CORO2B: variants seen among roughly 807,000 people sequenced by gnomAD.
CORO2B encodes coronin-2B.
CORO2B carries 26 observed loss-of-function variants against 58.8 expected under a neutral mutation model. That is an observed-to-expected ratio of 0.44 (90% CI 0.32 to 0.61). The LOEUF is 0.61. CORO2B is among the 20% of genes least tolerant of loss of function. The pLI is 0.04. For missense variants in CORO2B, 460 were observed against 645.1 expected (o/e 0.71, Z 3.11); for synonymous variants, 242 against 253.8 (o/e 0.95, Z 0.44).
chr15:68,656,198 G>A (rs1230193761), intron 2 of CORO2B, among the ~76,000 whole-genome samples: 3 of 42,316 alleles, frequency 7.1e-5, no homozygotes, highest in East Asian at 9.6e-4. Flanking sequence ...CAACCAACCC[G>A]CTCCCATCCC....
At position 68,727,290 on chromosome 15, in the gene CORO2B, T is replaced by A. The variant is rs1037969814; in HGVS notation, c.*1316T>A. 1.3e-5 allele frequency: 2 copies of A among 152,654 alleles called. No homozygotes were observed. The highest frequency in any genetic ancestry group is 1.3e-4 in the Admixed American group (2 of 15,280). 9.5% of individuals were successfully genotyped at this position (152,654 alleles called of 1,614,324 possible). ...CTGCAGATGAGGAAACCGAGAGAAG[T>A]GGCCCAAGGTCACGCAACTCTGAGA... On this transcript the variant is annotated 3_prime_UTR_variant, in exon 12 of 12. Transcript: ENST00000261861.
At chr15:68,593,635 AG>A (rs1899756753) in intron 1 of CORO2B, among the ~76,000 whole-genome samples, 1 of 151,636 alleles carries the variant, frequency 6.6e-6, no homozygotes, top group Admixed American at 6.6e-5. Context: ...CTCAGAGAGG[AG>A]GGGAAGAAGA....
intron 1 of CORO2B, among the ~76,000 whole-genome samples, chr15:68,626,365 C>A (rs1442985772): frequency 1.3e-5 from 2 of 151,522 alleles, no homozygotes; most frequent in Non-Finnish European, 2.9e-5. Context: ...AAGATCCTGA[C>A]TTTTAAAAAA....
At chr15:68,560,359 A>G in the CORO2B span, among the ~76,000 whole-genome samples, 1 of 149,932 alleles carries the variant, frequency 6.7e-6, no homozygotes, top group Admixed American at 6.7e-5. Context: ...CAGTGGTGCA[A>G]TCATGGCTCA....
chr15:68,590,705 A>C (rs1428064687), intron 1 of CORO2B, among the ~76,000 whole-genome samples: 4 of 152,156 alleles, frequency 2.6e-5, no homozygotes, highest in African/African-American at 9.7e-5. Flanking sequence ...ATAATGCCCT[A>C]AGTGGTTGTC....
chr15:68,597,640 AT>A (rs1464733225), intron 1 of CORO2B, among the ~76,000 whole-genome samples: 88 of 150,528 alleles, frequency 5.8e-4, no homozygotes, highest in African/African-American at 1.4e-3. Flanking sequence ...AAAAAAAAAA[AT>A]AAATAAATAA....
At chr15:68,570,260 G>C in the CORO2B span, among the ~76,000 whole-genome samples, 1 of 152,152 alleles carries the variant, frequency 6.6e-6, no homozygotes, top group African/African-American at 2.4e-5. Flanking sequence ...TAACTTCATG[G>C]GATCCTCGGA....
At chr15:68,543,410 T>C in the CORO2B span, among the ~76,000 whole-genome samples, 1 of 152,186 alleles carries the variant, frequency 6.6e-6, no homozygotes, top group Non-Finnish European at 1.5e-5. Context: ...ATTCTCAGCC[T>C]GGGCCAGGTC....
At chr15:68,554,913 A>G in the CORO2B span, among the ~76,000 whole-genome samples, 1 of 152,182 alleles carries the variant, frequency 6.6e-6, no homozygotes, top group Non-Finnish European at 1.5e-5. Context: ...ATTTGAAGTC[A>G]GGCCTGTCTG....
At chr15:68,536,261 A>C in the CORO2B span, among the ~76,000 whole-genome samples, 5 of 152,220 alleles carry the variant, frequency 3.3e-5, no homozygotes, top group Non-Finnish European at 7.3e-5. Context: ...GGAATCTTGC[A>C]TGAGTTTGGA....
intron 1 of CORO2B, among the ~76,000 whole-genome samples, chr15:68,607,586 G>A (rs1166021489): frequency 1.3e-5 from 2 of 152,120 alleles, no homozygotes; most frequent in Non-Finnish European, 2.9e-5. Context: ...AGGAGACCGA[G>A]GTGGCAGGAT....
At chr15:68,702,327 C>T (rs531808464) in intron 3 of CORO2B, among the ~76,000 whole-genome samples, 3 of 152,266 alleles carry the variant, frequency 2.0e-5, no homozygotes, top group African/African-American at 7.2e-5. Flanking sequence ...CTTATTCTTT[C>T]ATGCATCCAG....
intron 3 of CORO2B, among the ~76,000 whole-genome samples, chr15:68,702,821 CTTTTTTTTTTTTTT>C (rs113249272): frequency 1.0e-5 from 1 of 96,256 alleles, no homozygotes; most frequent in African/African-American, 4.5e-5. Context: ...TTTTCTTTTT[CTTTTTTTTTTTTTT>C]TTTTTTTTTG....
At chr15:68,561,039 A>G in the CORO2B span, among the ~76,000 whole-genome samples, 1 of 152,148 alleles carries the variant, frequency 6.6e-6, no homozygotes, top group Non-Finnish European at 1.5e-5. Flanking sequence ...CACAGAGAGC[A>G]TAGAGCTCTG....
In CORO2B at chr15:68,726,167, CT is replaced by C; in HGVS notation, c.*195del. The C allele has an allele frequency of 1.5e-6, 1 of 660,260 alleles. No individual in the cohort carries two copies. The highest frequency in any genetic ancestry group is 3.3e-5 in the East Asian group (1 of 30,146). 40.9% of individuals were successfully genotyped at this position (660,260 alleles called of 1,614,324 possible). A position where few individuals can be genotyped will look rare whatever the true frequency, so the allele number is the denominator to read the frequency against. On this transcript the variant is annotated 3_prime_UTR_variant, in exon 12 of 12. Coordinates refer to ENST00000261861, the MANE Select transcript of CORO2B (RefSeq NM_006091.5). The stretch of plus-strand genomic sequence containing the variant: ...ACCTCATGCTAATAAAAGTCCCCAG[CT>C]TCTGGAGACCCCCTGCCGGCAGCCC...
the CORO2B span, among the ~76,000 whole-genome samples, chr15:68,530,618 T>C: frequency 6.6e-6 from 1 of 152,204 alleles, no homozygotes; most frequent in Admixed American, 6.5e-5. Flanking sequence ...TTAGTTTTTC[T>C]TCATCTCTCT....
At chr15:68,588,575 G>T (rs540978142) in intron 1 of CORO2B, among the ~76,000 whole-genome samples, 13 of 152,292 alleles carry the variant, frequency 8.5e-5, no homozygotes, top group Non-Finnish European at 1.6e-4. Flanking sequence ...GAAAGACCAG[G>T]TTCCCACTGT....
At chr15:68,560,537 G>T in the CORO2B span, among the ~76,000 whole-genome samples, 1 of 152,256 alleles carries the variant, frequency 6.6e-6, no homozygotes, top group African/African-American at 2.4e-5. Context: ...GGCCTCAAGT[G>T]ATCTTCCTGC....
At chr15:68,554,595 G>A in the CORO2B span, among the ~76,000 whole-genome samples, 170 of 152,182 alleles carry the variant, frequency 1.1e-3, 1 homozygote, top group Middle Eastern at 6.8e-3. Context: ...AACAGCCCCC[G>A]CCCCACCATC....
Sources: gnomAD v4.1 joint callset for allele counts (sites outside exome capture counted in the v4.1 genomes callset) on GRCh38, gnomAD v4.1.1 for gene constraint, MANE v1.5 for transcripts, NCBI Gene and HGNC (gene_info 2026-07-23, HGNC 2026-07-21) for gene names.